OBSL1: variants seen among roughly 807,000 people sequenced by gnomAD.
OBSL1 encodes the protein obscurin-like protein 1.
OBSL1 carries 160 observed loss-of-function variants against 172.0 expected under a neutral mutation model. The observed-to-expected ratio is 0.93, with a 90% CI of 0.82 to 1.06. The LOEUF is 1.06. OBSL1 is among the 50% of genes least tolerant of loss of function. OBSL1 has a pLI of 0.00. For missense variants in OBSL1, 2,681 were observed against 2,715.4 expected (o/e 0.99, Z 0.28); for synonymous variants, 1,200 against 1,196.3 (o/e 1.00, Z -0.06).
Position 219,571,137 on chromosome 2 carries a change from CTT to C in OBSL1, c.94_95del (p.Lys32ValfsTer221). 6.7e-7 allele frequency: 1 copy of C among 1,486,338 alleles called. No individual in the cohort carries two copies. Among genetic ancestry groups the C allele is most frequent in the Non-Finnish European group, 8.9e-7 (1 of 1,123,258 alleles). The allele number at this position is 1,486,338 out of a possible 1,614,324, so 92.1% of individuals were successfully genotyped here. ...RVVSGAEAEL[K>X]CVVLGEPPPV... is the part of the protein sequence containing the mutation. ...GCGGCGGCTCCCCCAGGACCACGCA[CTT>C]GAGCTCGGCCTCGGCGCCACTTACC... is the stretch of plus-strand genomic sequence containing the variant. On this transcript the variant is annotated frameshift_variant, in exon 1 of 21. Coordinates refer to ENST00000404537, the MANE Select transcript of OBSL1 (RefSeq NM_015311.3). LOFTEE classifies it high-confidence loss of function.
downstream of OBSL1, chr2:219,550,164 G>T: frequency 3.5e-6 from 1 of 284,052 alleles, no homozygotes. Context: ...GGGGACGCTG[G>T]GACCCTTGCC....
In OBSL1 at chr2:219,570,451, T is replaced by C. The variant is rs752822770; in HGVS notation, c.782A>G (p.Lys261Arg). 1 of 1,613,112 alleles carries C rather than the reference T, an allele frequency of 6.2e-7. No individual in the cohort carries two copies. The highest frequency in any genetic ancestry group is 1.1e-5 in the South Asian group (1 of 91,076). ...APKTFWVNEG[K>R]HAKFRCYVMG... ...CACGTAGCAGCGGAACTTGGCGTGC[T>C]TGCCCTCGTTCACCCAGAAGGTCTT... The change falls in exon 1 of 21, where the codon AAG becomes AGG. Residue 261 changes from lysine to arginine, a missense_variant. Transcript: ENST00000404537.
Position 219,570,423 on chromosome 2 carries a change from C to G in OBSL1, c.810G>C (p.Met270Ile). 6.2e-7 allele frequency: 1 copy of G among 1,613,306 alleles called. No homozygotes were observed. The highest frequency in any genetic ancestry group is 8.5e-7 in the Non-Finnish European group (1 of 1,179,626). The change falls in exon 1 of 21, where the codon ATG becomes ATC. Residue 270 changes from methionine to isoleucine, a missense_variant. Around this residue, in one of 5 missense-constraint regions of OBSL1, gnomAD observed 706 missense variants for 695.8 expected, o/e 1.01. Transcript: ENST00000404537. ...ATTCGATCTCGGGCTCGGGCTTGCC[C>G]ATCACGTAGCAGCGGAACTTGGCGT... is the stretch of plus-strand genomic sequence containing the variant. ...GKHAKFRCYVMGKPEPEIEWH... is the reference protein window; with the variant it reads ...GKHAKFRCYVIGKPEPEIEWH...
intron 6 of OBSL1, among the ~76,000 whole-genome samples, chr2:219,564,811 C>A (rs968377462): frequency 1.6e-4 from 24 of 152,184 alleles, no homozygotes; most frequent in African/African-American, 5.8e-4. Context: ...CATGGTGGCT[C>A]ATACCTATAA....
In OBSL1 at chr2:219,565,488, G is replaced by T. The variant is rs768834976; in HGVS notation, c.2161C>A (p.Gln721Lys). The change falls in exon 6 of 21, where the codon CAG (glutamine) becomes AAG (lysine). Residue 721 changes from glutamine (Q) to lysine (K), a missense_variant. Around this residue, in one of 5 missense-constraint regions of OBSL1, gnomAD observed 1,765 missense variants for 1,748.3 expected, o/e 1.01. Coordinates refer to ENST00000404537, the MANE Select transcript of OBSL1 (RefSeq NM_015311.3). Reference sequence around the variant, plus strand: ...GTGAAGGTCAACGACACCCTGTCCTGGGGGCTCAGGATGTGCACCGGGCTC... The same window carrying T: ...GTGAAGGTCAACGACACCCTGTCCTTGGGGCTCAGGATGTGCACCGGGCTC... ...QESPVHILSP[Q>K]DRVSLTFTTS... 2 of 1,608,000 alleles carry T rather than the reference G, an allele frequency of 1.2e-6. No individual in the cohort carries two copies. The highest frequency in any genetic ancestry group is 1.7e-6 in the Non-Finnish European group (2 of 1,178,646).
intron 20 of OBSL1, 85 bp from the exon 21 acceptor site, chr2:219,550,927 A>G: frequency 1.9e-6 from 3 of 1,564,112 alleles, no homozygotes; most frequent in Non-Finnish European, 2.6e-6. Flanking sequence ...ACACCAGTAC[A>G]CAAAGAGCTG....
intron 8 of OBSL1, among the ~76,000 whole-genome samples, chr2:219,561,230 G>A (rs1026334670): frequency 5.9e-5 from 9 of 152,096 alleles, no homozygotes; most frequent in South Asian, 2.1e-4. Flanking sequence ...GACTGTGGCC[G>A]CAGTAGGATG....
chr2:219,552,604 G>T lies in OBSL1; in HGVS notation c.5240C>A (p.Thr1747Asn). 6.3e-7 allele frequency: 1 copy of T among 1,580,344 alleles called. No homozygotes were observed. The highest frequency in any genetic ancestry group is 8.5e-7 in the Non-Finnish European group (1 of 1,169,648). The change falls in exon 18 of 21, where the codon ACC (threonine) becomes AAC (asparagine). Residue 1747 changes from threonine to asparagine, a missense_variant. By Grantham distance (65) the Thr-to-Asn change is moderately conservative. Coordinates refer to ENST00000404537, the MANE Select transcript of OBSL1 (RefSeq NM_015311.3). ...GCCTCCGAGCTCCCAGCGCCCCGTG[G>T]TCTCGACCTCCGACACGGTGCACTC... ...TFECTVSEVE[T>N]TGRWELGGRP...
In OBSL1 at chr2:219,562,672, C is replaced by T. The variant is rs1009106095; in HGVS notation, c.2683G>A (p.Val895Ile). 2.6e-6 allele frequency: 4 copies of T among 1,545,290 alleles called. No homozygotes were observed. The highest frequency in any genetic ancestry group is 2.4e-5 in the East Asian group (1 of 40,928). The part of the protein sequence containing the change: ...CAYFTVTITD[V>I]SSWIVYPSGK... ...CTGGGATACACGATCCACGAGGAGA[C>T]GTCTGGAGGACAGGGACAGCCACTG... Residue 895 changes from valine (V) to isoleucine (I), a missense_variant and splice_region_variant, in exon 8 of 21, where the codon GTC becomes ATC. Physicochemically the swap from Val to Ile is conservative, Grantham distance 29. Transcript: ENST00000404537.
downstream of OBSL1, chr2:219,549,192 G>A: frequency 6.2e-7 from 1 of 1,614,026 alleles, no homozygotes; most frequent in Non-Finnish European, 8.5e-7. Context: ...AACTGATGCG[G>A]ATTCGGCAGC....
chr2:219,552,567 T>C lies in OBSL1; in HGVS notation c.5277A>G (p.Arg1759=), dbSNP rs1418247556. The part of the protein sequence containing the change: ...GRWELGGRPL[R]PGARVRIRQE... The stretch of plus-strand genomic sequence containing the variant: ...GTCGGATGCGGACGCGGGCTCCGGG[T>C]CTCAGCGGGCGGCCTCCGAGCTCCC... Residue 1759 remains arginine, a synonymous_variant, in exon 18 of 21, where the codon AGA becomes AGG. Transcript: ENST00000404537. The C allele has an allele frequency of 1.3e-6, 2 of 1,595,090 alleles. 1 individual carries two copies. Among genetic ancestry groups the C allele is most frequent in the South Asian group, 2.2e-5 (2 of 89,970 alleles).
downstream of OBSL1, chr2:219,547,877 G>A: frequency 6.3e-7 from 1 of 1,591,590 alleles, no homozygotes; most frequent in Non-Finnish European, 8.5e-7. Flanking sequence ...CGCCGTGACT[G>A]GTGCTGCGCT....
At chr2:219,554,977 G>A (rs1695893774) in intron 14 of OBSL1, among the ~76,000 whole-genome samples, 1 of 152,142 alleles carries the variant, frequency 6.6e-6, no homozygotes, top group Non-Finnish European at 1.5e-5. Flanking sequence ...GTGTGGTTAG[G>A]GGGTCGTGGA....
At position 219,552,990 on chromosome 2, in the gene OBSL1, C is replaced by G; in HGVS notation, c.5024G>C (p.Arg1675Pro). The change falls in exon 17 of 21, where the codon CGG becomes CCG. Residue 1675 changes from arginine to proline, a missense_variant. Transcript: ENST00000404537. ...GNALTPSPRLRLQALGTRRLL... is the reference protein window; with the variant it reads ...GNALTPSPRLPLQALGTRRLL... ...GCGGCGCGTGCCGAGGGCCTGGAGC[C>G]GGAGCCGCGGGCTAGGCGTAAGCGC... The G allele has an allele frequency of 6.5e-7, 1 of 1,527,196 alleles. No homozygotes were observed. The highest frequency in any genetic ancestry group is 8.8e-7 in the Non-Finnish European group (1 of 1,142,044). 94.6% of individuals were successfully genotyped at this position (1,527,196 alleles called of 1,614,324 possible). A position where few individuals can be genotyped will look rare whatever the true frequency, so the allele number is the denominator to read the frequency against.
chr2:219,558,623 C>G (rs927050211), intron 9 of OBSL1, among the ~76,000 whole-genome samples, 164 bp from the exon 10 acceptor site: 3 of 152,224 alleles, frequency 2.0e-5, no homozygotes. Flanking sequence ...TCCTAAGAAC[C>G]CTGTGTTTTT....
At position 219,556,517 on chromosome 2, in the gene OBSL1, C is replaced by T; in HGVS notation, c.4273G>A (p.Asp1425Asn). Residue 1425 changes from aspartate (D) to asparagine (N), a missense_variant, in exon 13 of 21, where the codon GAT becomes AAT. By Grantham distance (23) the Asp-to-Asn change is conservative. This residue lies in a region of OBSL1 where 1,765 missense variants were observed against 1,748.3 expected (regional missense o/e 1.01). Transcript: ENST00000404537. ...GCCCGCAAAGTCACGGTCCCTGCAT[C>T]CCCCAGTTGGCAGCCTCGCAAGGTT... ...ILTLRGCQLGDAGTVTLRAGS... is the reference protein window; with the variant it reads ...ILTLRGCQLGNAGTVTLRAGS... 2 of 1,613,910 alleles carry T rather than the reference C, an allele frequency of 1.2e-6. No individual in the cohort carries two copies. Among genetic ancestry groups the T allele is most frequent in the Non-Finnish European group, 1.7e-6 (2 of 1,179,880 alleles).
Position 219,566,932 on chromosome 2 carries a change from G to A in OBSL1, c.2032C>T (p.Gln678Ter), listed in dbSNP as rs775865076. 2.0e-5 allele frequency: 33 copies of A among 1,613,686 alleles called. No individual in the cohort carries two copies. The highest frequency in any genetic ancestry group is 2.7e-5 in the Non-Finnish European group (32 of 1,179,850). ...ACGGCATGCAGGATGAGTCTGTGCTGCAGACCCTTCTGCTCTATACGGTAC... is the reference window on the plus strand; with the variant it reads ...ACGGCATGCAGGATGAGTCTGTGCTACAGACCCTTCTGCTCTATACGGTAC... ...LRYRIEQKGL[Q>*]HRLILHAVKH... is the part of the protein sequence containing the mutation. The change falls in exon 5 of 21, where the codon CAG (glutamine) becomes TAG (stop). Residue 678 changes from glutamine (Q) to a stop codon, truncating the protein, a stop_gained. Transcript: ENST00000404537. LOFTEE classifies it high-confidence loss of function.
Position 219,557,342 on chromosome 2 carries a change from C to T in OBSL1, c.4066+1G>A. 1 of 1,491,332 alleles carries T rather than the reference C, an allele frequency of 6.7e-7. No homozygotes were observed. The highest frequency in any genetic ancestry group is 9.0e-7 in the Non-Finnish European group (1 of 1,114,922). 92.4% of individuals were successfully genotyped at this position (1,491,332 alleles called of 1,614,324 possible). Reference sequence around the variant, plus strand: ...ACAGGGTGTGAGGGGTACACTGTTACCTTCCACGCTGACAAGGAAGATGCG... The same window carrying T: ...ACAGGGTGTGAGGGGTACACTGTTATCTTCCACGCTGACAAGGAAGATGCG... On this transcript the variant is annotated splice_donor_variant, in intron 12 of 20. Coordinates refer to ENST00000404537, the MANE Select transcript of OBSL1 (RefSeq NM_015311.3). LOFTEE classifies it high-confidence loss of function.
At chr2:219,548,102 G>A, downstream of OBSL1, 1 of 1,505,918 alleles carries the variant, frequency 6.6e-7, no homozygotes, top group Admixed American at 1.9e-5. Flanking sequence ...ACAGGCCAAG[G>A]TGGACATGAG....
Sources: allele counts gnomAD v4.1 joint callset (sites outside exome capture counted in the v4.1 genomes callset), GRCh38; gene constraint gnomAD v4.1.1; regional missense constraint gnomAD v4.1.1; transcripts MANE v1.5; gene names NCBI Gene and HGNC (gene_info 2026-07-23, HGNC 2026-07-21).